The following UQCR10 variants were observed in gnomAD, a reference collection of about 807,000 sequenced individuals.
UQCR10 encodes cytochrome b-c1 complex subunit 9.
In UQCR10, 5 loss-of-function variants were observed where a neutral mutation model predicts 6.0. That is an observed-to-expected ratio of 0.83 (90% CI 0.43 to 1.74). The LOEUF (loss-of-function observed/expected upper bound fraction) is 1.74. UQCR10 is among the 40% of genes most tolerant of loss of function. The probability of loss-of-function intolerance (pLI) is 0.02; values close to 1 mark genes in which losing one functional copy is unlikely to be tolerated. For missense variants in UQCR10, 101 were observed against 85.1 expected (o/e 1.19, Z -0.74); for synonymous variants, 40 against 37.4 (o/e 1.07, Z -0.26).
Position 29,769,974 on chromosome 22 carries a change from A to C in UQCR10, c.*255A>C. The C allele has an allele frequency of 3.1e-6, 2 of 639,416 alleles. No individual in the cohort carries two copies. The highest frequency in any genetic ancestry group is 4.2e-5 in the Admixed American group (2 of 47,992). 39.6% of individuals were successfully genotyped at this position (639,416 alleles called of 1,614,324 possible). On this transcript the variant is annotated 3_prime_UTR_variant, in exon 2 of 2. Transcript: ENST00000330029. ...TGCTTCTACATTGGTTGCTTTGTTA[A>C]CTCTACCTGATCTTCACTTGTCAGT...
intron 1 of UQCR10, among the ~76,000 whole-genome samples, chr22:29,767,858 C>T (rs2068234659): frequency 6.6e-6 from 1 of 152,108 alleles, no homozygotes; most frequent in Non-Finnish European, 1.5e-5. Flanking sequence ...GCACAGGAAG[C>T]CAGGGGCAAG....
At chr22:29,769,359 G>A (rs1001496647) in intron 1 of UQCR10, among the ~76,000 whole-genome samples, 6 of 152,038 alleles carry the variant, frequency 3.9e-5, no homozygotes, top group African/African-American at 9.7e-5. Context: ...AAAATTAGCC[G>A]GGTAGCGCAT....
In UQCR10 at chr22:29,769,950, G is replaced by A. The variant is rs1442581931; in HGVS notation, c.*231G>A. 2 of 659,112 alleles carry A rather than the reference G, an allele frequency of 3.0e-6. No homozygotes were observed. The highest frequency in any genetic ancestry group is 5.6e-6 in the Non-Finnish European group (2 of 356,126). 40.8% of individuals were successfully genotyped at this position (659,112 alleles called of 1,614,324 possible). Reference sequence around the variant, plus strand: ...TAAATGTGAATTGCCCTTGAGACCTGCTTCTACATTGGTTGCTTTGTTAAC... The same window carrying A: ...TAAATGTGAATTGCCCTTGAGACCTACTTCTACATTGGTTGCTTTGTTAAC... On this transcript the variant is annotated 3_prime_UTR_variant, in exon 2 of 2. Coordinates refer to ENST00000330029, the MANE Select transcript of UQCR10 (RefSeq NM_013387.4).
At chr22:29,767,688 C>A in intron 1 of UQCR10, 140 bp downstream of exon 1, 1 of 1,285,670 alleles carries the variant, frequency 7.8e-7, no homozygotes, top group South Asian at 1.6e-5. Context: ...AGTCCGCCGT[C>A]TGTCCCCTTG....
chr22:29,767,936 G>A (rs532613223), intron 1 of UQCR10, among the ~76,000 whole-genome samples: 9 of 152,296 alleles, frequency 5.9e-5, no homozygotes, highest in African/African-American at 1.9e-4. Flanking sequence ...CGACGGTCGT[G>A]AAAAGGACGT....
rs767192279 is a variant in UQCR10, at chr22:29,767,442, T to G, written c.44T>G (p.Phe15Cys). 2.5e-6 allele frequency: 4 copies of G among 1,613,974 alleles called. No individual in the cohort carries two copies. The highest frequency in any genetic ancestry group is 1.3e-5 in the African/African-American group (1 of 75,070). Residue 15 changes from phenylalanine to cysteine, a missense_variant, in exon 1 of 2, where the codon TTC becomes TGC. Physicochemically the swap from Phe to Cys is radical, Grantham distance 205 (BLOSUM62 -2). Transcript: ENST00000330029. ...TLTSKLYSLL[F>C]RRTSTFALTI... ...ACTTCGAAATTGTACTCCCTGCTGTTCCGCAGGACCTCCACCTTCGCCCTC... is the reference window on the plus strand; with the variant it reads ...ACTTCGAAATTGTACTCCCTGCTGTGCCGCAGGACCTCCACCTTCGCCCTC...
Position 29,767,434 on chromosome 22 carries a change from C to T in UQCR10, c.36C>T (p.Ser12=), listed in dbSNP as rs2068228549. The part of the protein sequence containing the change: ...AAATLTSKLY[S]LLFRRTSTFA... Reference sequence around the variant, plus strand: ...CGACGTTGACTTCGAAATTGTACTCCCTGCTGTTCCGCAGGACCTCCACCT... The same window carrying T: ...CGACGTTGACTTCGAAATTGTACTCTCTGCTGTTCCGCAGGACCTCCACCT... Residue 12 remains serine, a synonymous_variant, in exon 1 of 2, where the codon TCC becomes TCT. Transcript: ENST00000330029. 1 of 1,613,886 alleles carries T rather than the reference C, an allele frequency of 6.2e-7. No homozygotes were observed. The highest frequency in any genetic ancestry group is 8.5e-7 in the Non-Finnish European group (1 of 1,179,804).
Position 29,769,769 on chromosome 22 carries a change from C to T in UQCR10, c.*50C>T. 14 of 1,581,126 alleles carry T rather than the reference C, an allele frequency of 8.9e-6. No individual in the cohort carries two copies. Among genetic ancestry groups the T allele is most frequent in the Non-Finnish European group, 1.1e-5 (13 of 1,161,390 alleles). On this transcript the variant is annotated 3_prime_UTR_variant, in exon 2 of 2. Coordinates refer to ENST00000330029, the MANE Select transcript of UQCR10 (RefSeq NM_013387.4). ...CAGAAGGACCAGGTCCACCCAGCAG[C>T]TGTTTGCCCAGAGCTGGAGCCTCAG...
In UQCR10 at chr22:29,770,181, A is replaced by T; in HGVS notation, c.*462A>T. ...TCTTAAATACCTCACTGTCTTGGCC[A>T]TGGGGAAGCACTATGGCCTCAGCTG... is the stretch of plus-strand genomic sequence containing the variant. On this transcript the variant is annotated 3_prime_UTR_variant, in exon 2 of 2. Transcript: ENST00000330029. The T allele has an allele frequency of 2.8e-6, 1 of 358,602 alleles. No individual in the cohort carries two copies. The highest frequency in any genetic ancestry group is 2.1e-5 in the South Asian group (1 of 46,630). The allele number at this position is 358,602 out of a possible 1,614,324, so 22.2% of individuals were successfully genotyped here.
At position 29,767,432 on chromosome 22, in the gene UQCR10, T is replaced by C; in HGVS notation, c.34T>C (p.Ser12Pro). The part of the protein sequence containing the change: ...AAATLTSKLY[S>P]LLFRRTSTFA... ...CGCGACGTTGACTTCGAAATTGTAC[T>C]CCCTGCTGTTCCGCAGGACCTCCAC... Residue 12 changes from serine (S) to proline (P), a missense_variant, in exon 1 of 2, where the codon TCC (serine) becomes CCC (proline). Transcript: ENST00000330029. The C allele has an allele frequency of 6.2e-7, 1 of 1,613,734 alleles. No individual in the cohort carries two copies. The highest frequency in any genetic ancestry group is 8.5e-7 in the Non-Finnish European group (1 of 1,179,690).
intron 1 of UQCR10, among the ~76,000 whole-genome samples, chr22:29,768,885 C>A (rs2068244899): frequency 1.3e-5 from 2 of 152,188 alleles, no homozygotes. Context: ...CCTTAGCCTT[C>A]TAAAGTACTG....
At chr22:29,768,434 T>C (rs960591060) in intron 1 of UQCR10, among the ~76,000 whole-genome samples, 6 of 152,208 alleles carry the variant, frequency 3.9e-5, no homozygotes, top group Non-Finnish European at 8.8e-5. Flanking sequence ...TTTGAGACTG[T>C]CTGACTCTGC....
chr22:29,769,368 A>G (rs1385916721), intron 1 of UQCR10, among the ~76,000 whole-genome samples: 2 of 152,108 alleles, frequency 1.3e-5, no homozygotes, highest in African/African-American at 4.8e-5. Flanking sequence ...CGGGTAGCGC[A>G]TACCTGTATT....
At position 29,768,438 on chromosome 22, in the gene UQCR10, ACT is replaced by A. The variant is rs2068239948; in HGVS notation, c.150+893_150+894del. Among the ~76,000 whole-genome samples, 3 of 151,786 alleles carry A rather than the reference ACT, an allele frequency of 2.0e-5. No homozygotes were observed. In the South Asian group the frequency reaches 6.3e-4, roughly 32 times the overall value. ...TGTGTTTTTAATTTGAGACTGTCTG[ACT>A]CTGCAGCCCGGGAAGGCACTGTCCA... is the stretch of plus-strand genomic sequence containing the variant. On this transcript the variant is annotated intron_variant, in intron 1 of 1. Coordinates refer to ENST00000330029, the MANE Select transcript of UQCR10 (RefSeq NM_013387.4).
At position 29,767,421 on chromosome 22, in the gene UQCR10, C is replaced by T. The variant is rs200929050; in HGVS notation, c.23C>T (p.Ser8Leu). The change falls in exon 1 of 2, where the codon TCG becomes TTG. Residue 8 changes from serine (S) to leucine (L), a missense_variant. Transcript: ENST00000330029. MAAATLT[S>L]KLYSLLFRRT... Reference sequence around the variant, plus strand: ...AACATGGCGGCCGCGACGTTGACTTCGAAATTGTACTCCCTGCTGTTCCGC... The same window carrying T: ...AACATGGCGGCCGCGACGTTGACTTTGAAATTGTACTCCCTGCTGTTCCGC... 2 of 1,613,334 alleles carry T rather than the reference C, an allele frequency of 1.2e-6. No individual in the cohort carries two copies. The highest frequency in any genetic ancestry group is 1.7e-6 in the Non-Finnish European group (2 of 1,179,472).
Position 29,767,542 on chromosome 22 carries a change from C to T in UQCR10, c.144C>T (p.Asn48=), listed in dbSNP as rs1335246004. 9 of 1,613,730 alleles carry T rather than the reference C, an allele frequency of 5.6e-6. No individual in the cohort carries two copies. The Admixed American group carries it at 8.3e-5, about 15-fold the overall frequency. Residue 48 remains asparagine, a synonymous_variant, in exon 1 of 2, where the codon AAC becomes AAT. Transcript: ENST00000330029. ...QGADAIYDHI[N]EGKLWKHIKH... ...CGGACGCTATCTACGACCACATCAA[C>T]GAGGGGGTGAGGGCCTGTGCCATCC...
In UQCR10 at chr22:29,769,878, T is replaced by C. The variant is rs1436047095; in HGVS notation, c.*159T>C. 2 of 825,040 alleles carry C rather than the reference T, an allele frequency of 2.4e-6. No homozygotes were observed. Among genetic ancestry groups the C allele is most frequent in the Non-Finnish European group, 4.1e-6 (2 of 489,402 alleles). 51.1% of individuals were successfully genotyped at this position (825,040 alleles called of 1,614,324 possible). ...GGCTTTACTTACAAAACAGACTCTT[T>C]ACCTTCTGCTGTGTTTGAAGTATGT... On this transcript the variant is annotated 3_prime_UTR_variant, in exon 2 of 2. Coordinates refer to ENST00000330029, the MANE Select transcript of UQCR10 (RefSeq NM_013387.4).
intron 1 of UQCR10, 63 bp downstream of exon 1, chr22:29,767,611 G>T (rs1339096883): frequency 6.5e-7 from 1 of 1,544,088 alleles, no homozygotes; most frequent in Non-Finnish European, 8.8e-7. Flanking sequence ...AGTAGAGGTG[G>T]GATGGGACTC....
intron 1 of UQCR10, 104 bp from the exon 2 acceptor site, chr22:29,769,574 C>G: frequency 8.2e-7 from 1 of 1,224,942 alleles, no homozygotes; most frequent in East Asian, 2.5e-5. Context: ...CAGGACATGG[C>G]ATGTGTTTCC....
Sources: allele counts gnomAD v4.1 joint callset (sites outside exome capture counted in the v4.1 genomes callset), GRCh38; gene constraint gnomAD v4.1.1; transcripts MANE v1.5; gene names NCBI Gene and HGNC (gene_info 2026-07-23, HGNC 2026-07-21).